The following SELENOI variants were observed in gnomAD, a reference collection of about 807,000 sequenced individuals.
SELENOI encodes the protein selenoprotein I.
Under a neutral mutation model 50.7 loss-of-function variants are expected in SELENOI, and 24 were observed. That is an observed-to-expected ratio of 0.47 (90% CI 0.34 to 0.67). SELENOI has a LOEUF of 0.67. Ranked by LOEUF, SELENOI falls within the 30% of genes least tolerant of loss-of-function variation. The pLI, the probability that SELENOI is intolerant of heterozygous loss-of-function variation, is 0.01. For missense variants in SELENOI, 352 were observed against 461.4 expected (o/e 0.76, Z 2.17); for synonymous variants, 155 against 170.2 (o/e 0.91, Z 0.70).
At chr2:26,385,178 G>T in intron 8 of SELENOI, 39 bp downstream of exon 8, 2 of 1,144,720 alleles carry the variant, frequency 1.7e-6, no homozygotes, top group Non-Finnish European at 2.3e-6. Context: ...ATATATATTA[G>T]GATTGTATGA....
chr2:26,367,791 C>T (rs1677317007), intron 4 of SELENOI, among the ~76,000 whole-genome samples: 2 of 152,110 alleles, frequency 1.3e-5, no homozygotes, highest in Admixed American at 1.3e-4. Flanking sequence ...GGCAGGGAGG[C>T]CTACTGTGCT....
At chr2:26,348,976 C>T (rs1676886598) in intron 1 of SELENOI, among the ~76,000 whole-genome samples, 1 of 145,788 alleles carries the variant, frequency 6.9e-6, no homozygotes, top group Non-Finnish European at 1.5e-5. Flanking sequence ...TGCCTCTACC[C>T]ATCCTTTGTT....
rs1677245232 is a variant in SELENOI at position 26,364,389 on chromosome 2, A to G, written c.126+19A>G. On this transcript the variant is annotated intron_variant, in intron 2 of 9. Transcript: ENST00000260585. The stretch of plus-strand genomic sequence containing the variant: ...AGTAAAGGTAAGATAATTAATATGT[A>G]TGTACTTTTTGTTTTAGTAAGTTTT... 1.4e-6 allele frequency: 2 copies of G among 1,473,868 alleles called. No individual in the cohort carries two copies. The highest frequency in any genetic ancestry group is 1.9e-6 in the Non-Finnish European group (2 of 1,079,816). 91.3% of individuals were successfully genotyped at this position (1,473,868 alleles called of 1,614,324 possible). A position where few individuals can be genotyped will look rare whatever the true frequency, so the allele number is the denominator to read the frequency against.
chr2:26,347,831 T>G (rs1574745333), intron 1 of SELENOI, among the ~76,000 whole-genome samples: 1 of 152,244 alleles, frequency 6.6e-6, no homozygotes, highest in South Asian at 2.1e-4. Flanking sequence ...TATTTTCAAC[T>G]AAATAAGTGT....
Position 26,393,500 on chromosome 2 carries a change from G to A in SELENOI, c.*4397G>A, listed in dbSNP as rs1320332638. The stretch of plus-strand genomic sequence containing the variant: ...CTCTCTCACAGGTAGCTTAAGCGAG[G>A]GGGTTGTGTTGCATGTGCTTAGAAA... On this transcript the variant is annotated 3_prime_UTR_variant, in exon 10 of 10. Transcript: ENST00000260585. 2 of 152,236 alleles carry A rather than the reference G, an allele frequency of 1.3e-5. No homozygotes were observed. The highest frequency in any genetic ancestry group is 2.9e-5 in the Non-Finnish European group (2 of 68,040). 9.4% of individuals were successfully genotyped at this position (152,236 alleles called of 1,614,324 possible). A position where few individuals can be genotyped will look rare whatever the true frequency, so the allele number is the denominator to read the frequency against.
At chr2:26,354,737 C>T (rs1241690726) in intron 1 of SELENOI, among the ~76,000 whole-genome samples, 2 of 152,072 alleles carry the variant, frequency 1.3e-5, no homozygotes, top group Admixed American at 1.3e-4. Flanking sequence ...GAATAAAGAC[C>T]TTCAATGGCA....
rs1677997094 is a variant in SELENOI at position 26,392,685 on chromosome 2, C to G, written c.*3582C>G. The G allele has an allele frequency of 1.3e-5, 2 of 152,328 alleles. No homozygotes were observed. The highest frequency in any genetic ancestry group is 1.3e-4 in the Admixed American group (2 of 15,298). 9.4% of individuals were successfully genotyped at this position (152,328 alleles called of 1,614,324 possible). On this transcript the variant is annotated 3_prime_UTR_variant, in exon 10 of 10. Transcript: ENST00000260585. The stretch of plus-strand genomic sequence containing the variant: ...ACAAAGTAAGCTTGATGGGCTGGAA[C>G]TTTTGACTTTGGGTCCCCAAACAGC...
chr2:26,364,426 C>G lies in SELENOI; in HGVS notation c.126+56C>G, dbSNP rs1055398643. ...TTTTAGTAAGTTTTAAAGATTTTAA[C>G]CTATTTTATGGAGTATTATAAATGC... On this transcript the variant is annotated intron_variant, in intron 2 of 9. Coordinates refer to ENST00000260585, the MANE Select transcript of SELENOI (RefSeq NM_033505.4). The G allele has an allele frequency of 1.4e-5, 17 of 1,177,586 alleles. No homozygotes were observed. The African/African-American group carries it at 2.6e-4, about 18-fold the overall frequency. 72.9% of individuals were successfully genotyped at this position (1,177,586 alleles called of 1,614,324 possible). A position where few individuals can be genotyped will look rare whatever the true frequency, so the allele number is the denominator to read the frequency against.
At position 26,395,351 on chromosome 2, in the gene SELENOI, G is replaced by C. The variant is rs1678067541; in HGVS notation, c.*6248G>C. On this transcript the variant is annotated 3_prime_UTR_variant, in exon 10 of 10. Transcript: ENST00000260585. Reference sequence around the variant, plus strand: ...TCTTCCAGTTCATCTCAGTCCTCGAGAAAGGCCCTTTAAATATGTCACTTT... The same window carrying C: ...TCTTCCAGTTCATCTCAGTCCTCGACAAAGGCCCTTTAAATATGTCACTTT... The C allele has an allele frequency of 6.6e-6, 1 of 152,154 alleles. No individual in the cohort carries two copies. Among genetic ancestry groups the C allele is most frequent in the Non-Finnish European group, 1.5e-5 (1 of 68,028 alleles). 9.4% of individuals were successfully genotyped at this position (152,154 alleles called of 1,614,324 possible).
At chr2:26,356,722 G>C (rs962802080) in intron 1 of SELENOI, among the ~76,000 whole-genome samples, 1 of 152,084 alleles carries the variant, frequency 6.6e-6, no homozygotes, top group African/African-American at 2.4e-5. Context: ...ATCATGTTCA[G>C]AATGGTCCTC....
intron 3 of SELENOI, 101 bp downstream of exon 3, chr2:26,365,041 T>C: frequency 2.4e-6 from 2 of 837,182 alleles, no homozygotes; most frequent in South Asian, 4.5e-5. Context: ...TTCTAAAAAA[T>C]TTTGAATATT....
At chr2:26,353,727 A>T (rs1312560720) in intron 1 of SELENOI, among the ~76,000 whole-genome samples, 2 of 152,222 alleles carry the variant, frequency 1.3e-5, no homozygotes, top group Non-Finnish European at 2.9e-5. Context: ...GGAGAGATTT[A>T]GTGGTAAGAA....
Position 26,390,565 on chromosome 2 carries a change from GAT to G in SELENOI, c.*1465_*1466del, listed in dbSNP as rs1677942695. On this transcript the variant is annotated 3_prime_UTR_variant, in exon 10 of 10. Transcript: ENST00000260585. ...TGCTTTGTAAAAAATAACTGTAATTGATATTTCATTTTTAAAATTTATAAATT... is the reference window on the plus strand; with the variant it reads ...TGCTTTGTAAAAAATAACTGTAATTGATTTCATTTTTAAAATTTATAAATT... 2 of 152,616 alleles carry G rather than the reference GAT, an allele frequency of 1.3e-5. No homozygotes were observed. Among genetic ancestry groups the G allele is most frequent in the African/African-American group, 4.8e-5 (2 of 41,518 alleles). The allele number at this position is 152,616 out of a possible 1,614,324, so 9.5% of individuals were successfully genotyped here.
rs1422957927 is a variant in SELENOI, at chr2:26,390,591, T to C, written c.*1488T>C. The C allele has an allele frequency of 6.6e-6, 1 of 152,580 alleles. No homozygotes were observed. Among genetic ancestry groups the C allele is most frequent in the Non-Finnish European group, 1.5e-5 (1 of 68,028 alleles). The allele number at this position is 152,580 out of a possible 1,614,324, so 9.5% of individuals were successfully genotyped here. A position where few individuals can be genotyped will look rare whatever the true frequency, so the allele number is the denominator to read the frequency against. ...ATATTTCATTTTTAAAATTTATAAA[T>C]TCCAATCATTGTCATTCAAGTTATT... On this transcript the variant is annotated 3_prime_UTR_variant, in exon 10 of 10. Coordinates refer to ENST00000260585, the MANE Select transcript of SELENOI (RefSeq NM_033505.4).
intron 1 of SELENOI, 151 bp downstream of exon 1, chr2:26,346,440 T>C (rs1676762794): frequency 2.1e-6 from 2 of 973,030 alleles, no homozygotes; most frequent in East Asian, 3.0e-5. Flanking sequence ...GTCCTGGGGA[T>C]TGGGGGTCGG....
intron 2 of SELENOI, 106 bp from the exon 3 acceptor site, chr2:26,364,726 C>A: frequency 1.3e-6 from 1 of 749,538 alleles, no homozygotes; most frequent in East Asian, 2.8e-5. Flanking sequence ...TCCATATGAT[C>A]TTTCAAATGT....
chr2:26,347,435 T>TAA (rs879372265), intron 1 of SELENOI, among the ~76,000 whole-genome samples: 2 of 139,560 alleles, frequency 1.4e-5, no homozygotes, highest in African/African-American at 5.3e-5. Flanking sequence ...TAACTCGAGT[T>TAA]AAAAAAAAAA....
rs1572337800 is a variant in SELENOI at position 26,384,957 on chromosome 2, A to G, written c.732-2A>G. 6.3e-7 allele frequency: 1 copy of G among 1,595,582 alleles called. No individual in the cohort carries two copies. Among genetic ancestry groups the G allele is most frequent in the Non-Finnish European group, 8.5e-7 (1 of 1,173,160 alleles). On this transcript the variant is annotated splice_acceptor_variant, in intron 7 of 9. Transcript: ENST00000260585. LOFTEE classifies it high-confidence loss of function. ...TTTATATTACTTGATTTTTTTTTCCAGAAGCTATAAAAATAACACCTTGAA... is the reference window on the plus strand; with the variant it reads ...TTTATATTACTTGATTTTTTTTTCCGGAAGCTATAAAAATAACACCTTGAA...
At chr2:26,376,812 A>G (rs1008331877) in intron 6 of SELENOI, among the ~76,000 whole-genome samples, 2 of 152,048 alleles carry the variant, frequency 1.3e-5, no homozygotes, top group African/African-American at 4.8e-5. Flanking sequence ...ATTTTGCCTG[A>G]ATTTTTTCTT....
Sources: gnomAD v4.1 joint callset for allele counts (sites outside exome capture counted in the v4.1 genomes callset) on GRCh38, gnomAD v4.1.1 for gene constraint, MANE v1.5 for transcripts, NCBI Gene and HGNC (gene_info 2026-07-23, HGNC 2026-07-21) for gene names.